The following MREG variants were observed in gnomAD, a reference collection of about 807,000 sequenced individuals.
MREG encodes dilute suppressor protein homolog.
MREG carries 31 observed loss-of-function variants against 28.5 expected under a neutral mutation model. The ratio of observed to expected loss-of-function variants is 1.09; its 90% confidence interval spans 0.82 to 1.47. MREG has a LOEUF of 1.47. Among genes scored for constraint, MREG ranks in the 40% most tolerant of loss-of-function variants. The pLI is 0.00. For synonymous variants in MREG, 106 were observed against 95.2 expected, an observed-to-expected ratio of 1.11 and a Z score of -0.66; for missense variants, 256 against 257.4, an observed-to-expected ratio of 0.99 and a Z score of 0.04.
intron 2 of MREG, among the ~76,000 whole-genome samples, chr2:215,975,961 C>T (rs1693245042): frequency 6.6e-6 from 1 of 152,136 alleles, no homozygotes; most frequent in Non-Finnish European, 1.5e-5. Flanking sequence ...TGGTGTGCAC[C>T]TGTAATCCCA....
intron 1 of MREG, among the ~76,000 whole-genome samples, chr2:216,020,599 A>C (rs1196115585): frequency 6.6e-6 from 1 of 152,232 alleles, no homozygotes; most frequent in Non-Finnish European, 1.5e-5. Flanking sequence ...AGGAGACAGG[A>C]AAGGGCTAAG....
intron 2 of MREG, among the ~76,000 whole-genome samples, chr2:215,976,072 C>T (rs1693249422): frequency 6.6e-6 from 1 of 150,988 alleles, no homozygotes; most frequent in Non-Finnish European, 1.5e-5. Context: ...CGCACCACTG[C>T]CCTCCAGCCC....
intron 1 of MREG, among the ~76,000 whole-genome samples, chr2:216,026,585 T>C (rs1179417742): frequency 6.6e-6 from 1 of 152,104 alleles, no homozygotes; most frequent in Non-Finnish European, 1.5e-5. Context: ...GGTCTTGAAC[T>C]CCTGAGCTCC....
At chr2:216,030,956 T>TCTCACA (rs1488100346) in intron 1 of MREG, among the ~76,000 whole-genome samples, 10 of 113,396 alleles carry the variant, frequency 8.8e-5, no homozygotes, top group Admixed American at 2.7e-4. Context: ...TCTCTCTCTC[T>TCTCACA]CACACACACA....
chr2:215,997,662 G>A (rs1445057696), intron 1 of MREG, among the ~76,000 whole-genome samples: 1 of 152,162 alleles, frequency 6.6e-6, no homozygotes, highest in African/African-American at 2.4e-5. Flanking sequence ...TTAAGTGGGA[G>A]CTCAGGAGGC....
At chr2:216,017,527 C>T (rs6754860), upstream of MREG, among the ~76,000 whole-genome samples, 20,805 of 152,096 alleles carry the variant, frequency 0.14, 1,738 homozygotes, top group African/African-American at 0.22. Context: ...TTTAGAGTGG[C>T]GCTAGATGGT....
intron 2 of MREG, among the ~76,000 whole-genome samples, chr2:215,948,264 A>C (rs1692372974): frequency 6.6e-6 from 1 of 152,230 alleles, no homozygotes; most frequent in African/African-American, 2.4e-5. Flanking sequence ...AAAGCTAGCA[A>C]AACAAACTGT....
intron 2 of MREG, among the ~76,000 whole-genome samples, chr2:215,985,953 G>A (rs1376081943): frequency 6.6e-6 from 1 of 151,920 alleles, no homozygotes; most frequent in Non-Finnish European, 1.5e-5. Context: ...ATTTTATCCT[G>A]TGTGGAAAAG....
exon 1 of MREG, chr2:216,032,936 G>A (rs1694732615): frequency 6.6e-6 from 1 of 152,130 alleles, no homozygotes; most frequent in African/African-American, 2.4e-5. Flanking sequence ...TTTGCAACCA[G>A]GTCTTGAATC....
intron 2 of MREG, among the ~76,000 whole-genome samples, chr2:215,965,098 G>A (rs1692904920): frequency 6.6e-6 from 1 of 152,022 alleles, no homozygotes; most frequent in East Asian, 1.9e-4. Flanking sequence ...ACCTAATCTA[G>A]CATCTAATTA....
intron 2 of MREG, among the ~76,000 whole-genome samples, chr2:215,977,778 C>T (rs562011944): frequency 5.9e-5 from 9 of 152,312 alleles, no homozygotes; most frequent in Admixed American, 5.2e-4. Flanking sequence ...TCCTGAATGA[C>T]TCCTGGGTAA....
intron 2 of MREG, among the ~76,000 whole-genome samples, chr2:215,953,216 A>G (rs757709294): frequency 6.6e-6 from 1 of 152,210 alleles, no homozygotes; most frequent in Non-Finnish European, 1.5e-5. Flanking sequence ...CCCTTCTCCC[A>G]TCAATCTATT....
chr2:216,031,691 G>GAGAAAGAAAGAAAGAA (rs1395273679), intron 1 of MREG, among the ~76,000 whole-genome samples: 2 of 61,152 alleles, frequency 3.3e-5, no homozygotes, highest in African/African-American at 6.0e-5. Context: ...AAGAAAGAAA[G>GAGAAAGAAAGAAAGAA]AGAAAGAAAG....
upstream of MREG, chr2:216,013,602 C>A: frequency 6.5e-6 from 1 of 154,860 alleles, no homozygotes; most frequent in East Asian, 1.9e-4. Context: ...ATTTGGGGCG[C>A]ATGCGTCCAC....
chr2:216,027,975 G>A (rs1694621167), intron 1 of MREG, among the ~76,000 whole-genome samples: 1 of 152,120 alleles, frequency 6.6e-6, no homozygotes. Flanking sequence ...AAATTTTAAT[G>A]TTTAATTCTC....
chr2:215,989,700 A>C lies in MREG; in HGVS notation c.255+6606T>G, dbSNP rs890140835. Among the ~76,000 whole-genome samples, 23 of 152,058 alleles carry C rather than the reference A, an allele frequency of 1.5e-4. 1 individual carries two copies. Among genetic ancestry groups the C allele is most frequent in the Admixed American group, 1.5e-3 (23 of 15,268 alleles). On this transcript the variant is annotated intron_variant, in intron 2 of 4. Coordinates refer to ENST00000263268, the MANE Select transcript of MREG (RefSeq NM_018000.3). The stretch of plus-strand genomic sequence containing the variant: ...AGTAACCAGTTTAGAGAAGAACGTA[A>C]ATGACCTAATGGAGGTGAAAAATAC...
At chr2:215,940,965 A>G (rs1692190375), downstream of MREG, among the ~76,000 whole-genome samples, 1 of 152,132 alleles carries the variant, frequency 6.6e-6, no homozygotes, top group South Asian at 2.1e-4. Context: ...GTGGCCACAA[A>G]CCATGTAGCT....
chr2:215,945,446 G>T, intron 4 of MREG, 125 bp downstream of exon 4: 1 of 1,163,058 alleles, frequency 8.6e-7, no homozygotes, highest in Non-Finnish European at 1.2e-6. Context: ...AGCATATAAT[G>T]CCAGCATCTG....
intron 2 of MREG, among the ~76,000 whole-genome samples, chr2:215,954,445 A>AACAAACACAC (rs1553547417): frequency 0.015 from 2,072 of 136,572 alleles, 48 homozygotes; most frequent in African/African-American, 0.046. Context: ...ATCTGTGTAC[A>AACAAACACAC]ACACACACAC....
Sources: gnomAD v4.1 joint callset for allele counts (sites outside exome capture counted in the v4.1 genomes callset) on GRCh38, gnomAD v4.1.1 for gene constraint, MANE v1.5 for transcripts, NCBI Gene and HGNC (gene_info 2026-07-23, HGNC 2026-07-21) for gene names.